IL21R: variants seen among roughly 807,000 people sequenced by gnomAD.
IL21R encodes the protein interleukin 21 receptor.
IL21R carries 14 observed loss-of-function variants against 41.3 expected under a neutral mutation model. That is an observed-to-expected ratio of 0.34 (90% CI 0.22 to 0.53). The LOEUF is 0.53. Ranked by LOEUF, IL21R falls within the 20% of genes least tolerant of loss-of-function variation. The pLI is 0.94. For missense variants in IL21R, 588 were observed against 681.6 expected, an observed-to-expected ratio of 0.86 and a Z score of 1.53; for synonymous variants, 286 against 287.6, an observed-to-expected ratio of 0.99 and a Z score of 0.05.
chr16:27,413,647 T>G (rs113447657), intron 1 of IL21R, among the ~76,000 whole-genome samples: 1 of 152,014 alleles, frequency 6.6e-6, no homozygotes, highest in African/African-American at 2.4e-5. Context: ...CTGCTTAGAT[T>G]TTCTATTTTG....
intron 2 of IL21R, 152 bp from the exon 3 acceptor site, chr16:27,434,195 G>A: frequency 1.7e-6 from 1 of 574,032 alleles, no homozygotes; most frequent in Admixed American, 3.1e-5. Flanking sequence ...TGGGTGCCAG[G>A]CCTACATCTA....
chr16:27,407,518 A>C (rs113222987), intron 1 of IL21R, among the ~76,000 whole-genome samples: 8,549 of 152,260 alleles, frequency 0.056, 356 homozygotes, highest in South Asian at 0.11. Context: ...GGAAAAAAAG[A>C]TTGAAGCATT....
intron 1 of IL21R, among the ~76,000 whole-genome samples, chr16:27,425,893 C>G (rs1479065270): frequency 1.3e-5 from 2 of 152,138 alleles, no homozygotes; most frequent in African/African-American, 4.8e-5. Flanking sequence ...AACCACATCT[C>G]CAGTTTCTAG....
At chr16:27,434,218 G>A (rs2087224699) in intron 2 of IL21R, 129 bp from the exon 3 acceptor site, 5 of 624,350 alleles carry the variant, frequency 8.0e-6, no homozygotes, top group African/African-American at 1.8e-5. Flanking sequence ...CAGCTCCTGA[G>A]TCCTCATATT....
chr16:27,411,066 A>G (rs2086815145), intron 1 of IL21R, among the ~76,000 whole-genome samples: 2 of 152,234 alleles, frequency 1.3e-5, no homozygotes, highest in African/African-American at 4.8e-5. Flanking sequence ...CCATTCACCT[A>G]TCAATAAATT....
rs2087145076 is a variant in IL21R at position 27,430,107 on chromosome 16, G to A, written c.36G>A (p.Leu12=). Residue 12 remains leucine, a synonymous_variant, in exon 2 of 9, where the codon CTG becomes CTA. Transcript: ENST00000337929. The part of the protein sequence containing the change: ...PRGWAAPLLL[L]LLQGGWGCPD... ...GCTGGGCCGCCCCCTTGCTCCTGCT[G>A]CTGCTCCAGGGAGGTAAGTGGCTGC... 2 of 1,604,620 alleles carry A rather than the reference G, an allele frequency of 1.2e-6. No individual in the cohort carries two copies. Among genetic ancestry groups the A allele is most frequent in the Non-Finnish European group, 1.7e-6 (2 of 1,179,802 alleles).
At chr16:27,418,365 G>C (rs1218857252) in intron 1 of IL21R, among the ~76,000 whole-genome samples, 1 of 148,692 alleles carries the variant, frequency 6.7e-6, no homozygotes, top group Non-Finnish European at 1.5e-5. Context: ...ACCGCGCCCG[G>C]CCCTATTTTA....
intron 4 of IL21R, among the ~76,000 whole-genome samples, chr16:27,441,091 GGGAGGGAGGGAA>G (rs2087381413): frequency 6.6e-6 from 1 of 150,656 alleles, no homozygotes; most frequent in Non-Finnish European, 1.5e-5. Context: ...AAGAAAGGGA[GGGAGGGAGGGAA>G]GGAGGGAGAA....
chr16:27,442,891 C>G, intron 4 of IL21R, 71 bp from the exon 5 acceptor site: 1 of 1,414,766 alleles, frequency 7.1e-7, no homozygotes, highest in Non-Finnish European at 9.7e-7. Flanking sequence ...AGGACTTCCT[C>G]CCATCACCAA....
rs1370456378 is a variant in IL21R at position 27,402,468 on chromosome 16, G to C, written c.-167G>C. 2 of 152,636 alleles carry C rather than the reference G, an allele frequency of 1.3e-5. No homozygotes were observed. The highest frequency in any genetic ancestry group is 2.1e-4 in the South Asian group (1 of 4,842). The allele number at this position is 152,636 out of a possible 1,614,324, so 9.5% of individuals were successfully genotyped here. A position where few individuals can be genotyped will look rare whatever the true frequency, so the allele number is the denominator to read the frequency against. ...TATGACAGCCTGATTGGTGACTCGG[G>C]CTGGGTGTGGATTCTCACCCCAGGC... On this transcript the variant is annotated 5_prime_UTR_variant, in exon 1 of 9. Coordinates refer to ENST00000337929, the MANE Select transcript of IL21R (RefSeq NM_181078.3).
At chr16:27,427,295 G>A in intron 1 of IL21R, 1 of 985,664 alleles carries the variant, frequency 1.0e-6, no homozygotes, top group Non-Finnish European at 1.2e-6. Flanking sequence ...TTTGGGAAGA[G>A]ACGCCGGGCA....
At position 27,450,247 on chromosome 16, in the gene IL21R, C is replaced by T. The variant is rs2141322788; in HGVS notation, c.*964C>T. 1 of 232,754 alleles carries T rather than the reference C, an allele frequency of 4.3e-6. No individual in the cohort carries two copies. The highest frequency in any genetic ancestry group is 5.6e-5 in the Admixed American group (1 of 17,778). 14.4% of individuals were successfully genotyped at this position (232,754 alleles called of 1,614,324 possible). On this transcript the variant is annotated 3_prime_UTR_variant, in exon 9 of 9. Transcript: ENST00000337929. ...TCCCCACCAACCAAGATTTCTTTTT[C>T]TAACTTCTGCTACTAAGTTTTTAAA...
chr16:27,403,201 C>T, intron 1 of IL21R: 1 of 1,343,036 alleles, frequency 7.4e-7, no homozygotes, highest in Non-Finnish European at 9.8e-7. Context: ...TCTCATGAAG[C>T]ACGGGGAACG....
At chr16:27,442,901 A>G in intron 4 of IL21R, 61 bp from the exon 5 acceptor site, 1 of 1,495,352 alleles carries the variant, frequency 6.7e-7, no homozygotes, top group South Asian at 1.3e-5. Flanking sequence ...CCCATCACCA[A>G]ATCCTTTTCA....
intron 1 of IL21R, among the ~76,000 whole-genome samples, chr16:27,410,088 C>A (rs1843285577): frequency 6.6e-6 from 1 of 152,154 alleles, no homozygotes; most frequent in South Asian, 2.1e-4. Context: ...GTAATCCCAG[C>A]ACTTTGGGAG....
chr16:27,439,314 C>CCT (rs1019411825), intron 4 of IL21R, among the ~76,000 whole-genome samples: 1 of 151,756 alleles, frequency 6.6e-6, no homozygotes, highest in African/African-American at 2.4e-5. Flanking sequence ...GCCCACACTG[C>CCT]CTCTCTCTCT....
At chr16:27,404,626 A>G (rs181154341) in intron 1 of IL21R, among the ~76,000 whole-genome samples, 6 of 152,312 alleles carry the variant, frequency 3.9e-5, no homozygotes, top group Admixed American at 3.9e-4. Context: ...ACAGGCAGGC[A>G]CAGGGGCCTT....
intron 1 of IL21R, among the ~76,000 whole-genome samples, chr16:27,415,220 T>C (rs1211392577): frequency 1.3e-5 from 2 of 152,198 alleles, no homozygotes; most frequent in South Asian, 2.1e-4. Flanking sequence ...AAAATTAAAG[T>C]TGGGCAAACT....
At chr16:27,414,165 A>AGTGTGTGTGT (rs3917005) in intron 1 of IL21R, among the ~76,000 whole-genome samples, 8,126 of 144,216 alleles carry the variant, frequency 0.056, 276 homozygotes, top group East Asian at 0.13. Context: ...AGCTATGTAT[A>AGTGTGTGTGT]GTGTGTGTGT....
Sources: allele counts gnomAD v4.1 joint callset (sites outside exome capture counted in the v4.1 genomes callset), GRCh38; gene constraint gnomAD v4.1.1; transcripts MANE v1.5; gene names NCBI Gene and HGNC (gene_info 2026-07-23, HGNC 2026-07-21).